The following COL4A5 variants were observed in gnomAD, a reference collection of about 807,000 sequenced individuals.
The protein encoded by COL4A5 is collagen alpha-5(IV) chain.
A neutral mutation model predicts 130.2 loss-of-function variants in COL4A5; 26 were observed. The ratio of observed to expected loss-of-function variants is 0.20; its 90% confidence interval spans 0.15 to 0.28. The LOEUF is 0.28. Ranked by LOEUF, COL4A5 falls within the 10% of genes least tolerant of loss-of-function variation. COL4A5 has a pLI of 1.00. For synonymous variants in COL4A5, 496 were observed against 439.6 expected (o/e 1.13, Z -1.60); for missense variants, 1,131 against 1,344.3 (o/e 0.84, Z 2.48).
chrX:108,618,661 A>C (rs1270853430), intron 30 of COL4A5, among the ~76,000 whole-genome samples: 1 of 111,153 alleles, frequency 9.0e-6, no homozygotes, highest in African/African-American at 3.3e-5. Context: ...CAGTGAATCG[A>C]GGTCTAATAA....
chrX:108,624,693 C>CT (rs2067118613), intron 34 of COL4A5, among the ~76,000 whole-genome samples: 1 of 111,485 alleles, frequency 9.0e-6, no homozygotes, highest in South Asian at 3.7e-4. Flanking sequence ...TCTTGTCCTG[C>CT]TTTTTTTTCT....
At position 108,666,667 on chromosome X, in the gene COL4A5, C is replaced by A. The variant is rs371085292; in HGVS notation, c.3553+73C>A. 1.2e-4 allele frequency: 103 copies of A among 858,037 alleles called. 1 individual carries two copies. The highest frequency in any genetic ancestry group is 9.0e-4 in the African/African-American group (44 of 48,838). The allele number at this position is 858,037 out of a possible 1,213,427, so 70.7% of individuals were successfully genotyped here. ...GAATTTAACTTGCCTTTTTATTACC[C>A]ACAGTGAAATTGTATCTTCTTTCTT... On this transcript the variant is annotated intron_variant, in intron 39 of 52. Transcript: ENST00000328300.
At chrX:108,645,433 A>G (rs2067560010) in intron 36 of COL4A5, among the ~76,000 whole-genome samples, 1 of 110,715 alleles carries the variant, frequency 9.0e-6, no homozygotes, top group African/African-American at 3.3e-5. Context: ...CAAGGCTACT[A>G]TGAACACCTT....
At chrX:108,540,447 T>A (rs767271338) in intron 2 of COL4A5, among the ~76,000 whole-genome samples, 2 of 111,141 alleles carry the variant, frequency 1.8e-5, no homozygotes, top group South Asian at 7.6e-4. Flanking sequence ...ATGAAAGTCT[T>A]TTTTTTTGTT....
rs539046398 is a variant in COL4A5, at chrX:108,603,488, T to TA, written c.2244+435dup. Among the ~76,000 whole-genome samples, 872 of 111,324 alleles carry TA rather than the reference T, an allele frequency of 7.8e-3. 8 individuals carry two copies. Among genetic ancestry groups the TA allele is most frequent in the South Asian group, 0.043 (114 of 2,672 alleles). ...TTAAAGTGTGCGATAGCATTAGGTC[T>TA]AAAAAAAACCATATGCATACCTTAA... is the stretch of plus-strand genomic sequence containing the variant. On this transcript the variant is annotated intron_variant, in intron 28 of 52. Coordinates refer to ENST00000328300, the MANE Select transcript of COL4A5 (RefSeq NM_033380.3).
chrX:108,601,598 C>T, intron 26 of COL4A5, 113 bp downstream of exon 26: 1 of 544,909 alleles, frequency 1.8e-6, no homozygotes. Flanking sequence ...GTGATGTTGG[C>T]TTGCTGCAGC....
chrX:108,483,728 T>G (rs2064915784), intron 1 of COL4A5, among the ~76,000 whole-genome samples: 1 of 112,215 alleles, frequency 8.9e-6, no homozygotes, highest in Non-Finnish European at 1.9e-5. Context: ...TAATTTACAT[T>G]CCCACTGACA....
intron 17 of COL4A5, among the ~76,000 whole-genome samples, chrX:108,583,473 A>T (rs1359362515): frequency 8.9e-6 from 1 of 111,789 alleles, no homozygotes; most frequent in Non-Finnish European, 1.9e-5. Flanking sequence ...TGAAGCATAC[A>T]ATTACCAGAT....
At chrX:108,689,747 G>C (rs754707483) in intron 49 of COL4A5, 1 of 752,841 alleles carries the variant, frequency 1.3e-6, no homozygotes, top group South Asian at 6.8e-5. Context: ...AGGATTATAG[G>C]ATGTAAGAAA....
At chrX:108,503,178 A>G (rs1476185086) in intron 1 of COL4A5, among the ~76,000 whole-genome samples, 1 of 111,737 alleles carries the variant, frequency 8.9e-6, no homozygotes, top group Non-Finnish European at 1.9e-5. Context: ...GGTGTCTGAC[A>G]GTCATATATG....
chrX:108,469,193 G>T (rs1158676009), intron 1 of COL4A5, among the ~76,000 whole-genome samples: 1 of 68,427 alleles, frequency 1.5e-5, no homozygotes, highest in Non-Finnish European at 3.0e-5. Flanking sequence ...TTTTTGAAAC[G>T]GGATCTTGCT....
At chrX:108,486,113 C>A (rs2064942697) in intron 1 of COL4A5, among the ~76,000 whole-genome samples, 1 of 111,213 alleles carries the variant, frequency 9.0e-6, no homozygotes, top group Non-Finnish European at 1.9e-5. Context: ...AATGCAACAT[C>A]TCACTATCAC....
chrX:108,677,983 T>C (rs757496957), intron 44 of COL4A5, among the ~76,000 whole-genome samples: 38 of 112,028 alleles, frequency 3.4e-4, no homozygotes, highest in East Asian at 2.8e-4. Flanking sequence ...TTATGGTGAA[T>C]AGAGGCATCT....
At position 108,620,248 on chromosome X, in the gene COL4A5, G is replaced by T. The variant is rs748031775; in HGVS notation, c.2510-11G>T. On this transcript the variant is annotated splice_polypyrimidine_tract_variant and intron_variant, in intron 30 of 52. Transcript: ENST00000328300. ...TTCAGTACTTATTAATATTGATATT[G>T]TATTAACTAGGTTTACATGGAATAC... The T allele has an allele frequency of 1.7e-6, 2 of 1,187,278 alleles. No individual in the cohort carries two copies. Among genetic ancestry groups the T allele is most frequent in the South Asian group, 1.8e-5 (1 of 56,328 alleles).
Position 108,667,203 on chromosome X carries a change from G to T in COL4A5, c.3604+20G>T. 1.7e-6 allele frequency: 2 copies of T among 1,163,207 alleles called. No homozygotes were observed. Among genetic ancestry groups the T allele is most frequent in the Non-Finnish European group, 2.3e-6 (2 of 851,545 alleles). On this transcript the variant is annotated intron_variant, in intron 40 of 52. Transcript: ENST00000328300. ...TTTCTGGTAAACCTTAATAAAACAT[G>T]CTAAATCAATCTATAATAAAATGAG...
intron 36 of COL4A5, among the ~76,000 whole-genome samples, chrX:108,631,793 G>A (rs1166423297): frequency 4.5e-5 from 5 of 111,183 alleles, no homozygotes; most frequent in Non-Finnish European, 7.6e-5. Flanking sequence ...TGAAAAGAAA[G>A]ACAACATTCC....
intron 2 of COL4A5, among the ~76,000 whole-genome samples, chrX:108,557,593 C>T (rs1268812772): frequency 9.0e-6 from 1 of 111,593 alleles, no homozygotes; most frequent in Non-Finnish European, 1.9e-5. Context: ...TTGAATTATT[C>T]AGCATAAAAT....
chrX:108,504,289 GA>G (rs1252776150), intron 1 of COL4A5, among the ~76,000 whole-genome samples: 1 of 111,490 alleles, frequency 9.0e-6, no homozygotes, highest in African/African-American at 3.3e-5. Context: ...AATTTTAGAA[GA>G]AAACATAGGA....
intron 2 of COL4A5, among the ~76,000 whole-genome samples, chrX:108,551,164 A>G (rs1401774941): frequency 1.8e-5 from 2 of 111,987 alleles, no homozygotes; most frequent in Non-Finnish European, 3.8e-5. Flanking sequence ...TAAACTAAAG[A>G]GCTTCTGTAT....
Sources: allele counts gnomAD v4.1 joint callset (sites outside exome capture counted in the v4.1 genomes callset), GRCh38; gene constraint gnomAD v4.1.1; transcripts MANE v1.5; gene names NCBI Gene and HGNC (gene_info 2026-07-23, HGNC 2026-07-21).